The following AQR variants were observed in gnomAD, a reference collection of about 807,000 sequenced individuals.
The protein encoded by AQR is RNA helicase aquarius.
A neutral mutation model predicts 180.5 loss-of-function variants in AQR; 61 were observed. The observed-to-expected ratio is 0.34, with a 90% CI of 0.28 to 0.42. The LOEUF is 0.42. AQR is among the 10% of genes least tolerant of loss of function. AQR has a pLI of 1.00. For synonymous variants in AQR, 551 were observed against 588.8 expected, an observed-to-expected ratio of 0.94 and a Z score of 0.93; for missense variants, 1,281 against 1,798.3, an observed-to-expected ratio of 0.71 and a Z score of 5.20.
intron 15 of AQR, among the ~76,000 whole-genome samples, chr15:34,915,919 C>T (rs1269978185): frequency 6.6e-6 from 1 of 151,368 alleles, no homozygotes; most frequent in Non-Finnish European, 1.5e-5. Flanking sequence ...GCACTCCAGC[C>T]TGGGCAACAA....
Position 34,855,516 on chromosome 15 carries a change from C to T in AQR, c.*1276G>A, listed in dbSNP as rs1892575840. The T allele has an allele frequency of 7.0e-6, 1 of 142,196 alleles. No individual in the cohort carries two copies. Among genetic ancestry groups the T allele is most frequent in the South Asian group, 2.4e-4 (1 of 4,244 alleles). The allele number at this position is 142,196 out of a possible 1,614,324, so 8.8% of individuals were successfully genotyped here. A position where few individuals can be genotyped will look rare whatever the true frequency, so the allele number is the denominator to read the frequency against. On this transcript the variant is annotated 3_prime_UTR_variant, in exon 35 of 35. Coordinates refer to ENST00000156471, the MANE Select transcript of AQR (RefSeq NM_014691.3). ...TGGGCAATTTTCCCCTCTACACATACATATAAACATTTCCTTTTTTTTTTT... is the reference window on the plus strand; with the variant it reads ...TGGGCAATTTTCCCCTCTACACATATATATAAACATTTCCTTTTTTTTTTT...
rs2140489556 is a variant in AQR, at chr15:34,926,461, A to G, written c.1118+574T>C. Among the ~76,000 whole-genome samples, 4 of 152,310 alleles carry G rather than the reference A, an allele frequency of 2.6e-5. 1 individual carries two copies. The South Asian group carries it at 8.3e-4, about 32-fold the overall frequency. On this transcript the variant is annotated intron_variant, in intron 13 of 34. Transcript: ENST00000156471. ...TATCTCTGCCACTTACTTGCTGTGTAACCTAGGCAAATTACTTAACTATTC... is the reference window on the plus strand; with the variant it reads ...TATCTCTGCCACTTACTTGCTGTGTGACCTAGGCAAATTACTTAACTATTC...
intron 29 of AQR, 92 bp from the exon 30 acceptor site, chr15:34,874,091 C>T: frequency 5.5e-6 from 7 of 1,268,406 alleles, no homozygotes; most frequent in Non-Finnish European, 7.2e-6. Flanking sequence ...TTCTGTGCTT[C>T]TTTTAAATTT....
chr15:34,959,753 G>A (rs57578298), intron 3 of AQR, among the ~76,000 whole-genome samples: 8 of 152,184 alleles, frequency 5.3e-5, no homozygotes, highest in South Asian at 2.1e-4. Flanking sequence ...GGACAATTCC[G>A]CTCCCAACTT....
At chr15:34,867,796 A>G (rs559170003) in intron 31 of AQR, 187 bp from the exon 32 acceptor site, 31 of 497,454 alleles carry the variant, frequency 6.2e-5, no homozygotes, top group Middle Eastern at 5.4e-4. Flanking sequence ...ATCAGATCAA[A>G]CTACATCCTT....
At chr15:34,968,915 T>C (rs976055048) in intron 1 of AQR, among the ~76,000 whole-genome samples, 4 of 152,208 alleles carry the variant, frequency 2.6e-5, no homozygotes, top group Non-Finnish European at 4.4e-5. Flanking sequence ...TACACTCTTA[T>C]GCAATTCACA....
At chr15:34,883,463 T>A (rs1197079692) in intron 26 of AQR, among the ~76,000 whole-genome samples, 2 of 152,342 alleles carry the variant, frequency 1.3e-5, no homozygotes, top group Non-Finnish European at 2.9e-5. Flanking sequence ...GAATTGAGTA[T>A]GTTTTTATCC....
chr15:34,870,704 T>A, intron 31 of AQR, 48 bp downstream of exon 31: 1 of 1,535,554 alleles, frequency 6.5e-7, no homozygotes, highest in Non-Finnish European at 8.8e-7. Context: ...AACCTTTCCA[T>A]CTTGCCAAAA....
At chr15:34,895,710 A>C (rs1893233613) in intron 22 of AQR, among the ~76,000 whole-genome samples, 1 of 152,202 alleles carries the variant, frequency 6.6e-6, no homozygotes, top group Admixed American at 6.5e-5. Flanking sequence ...CATTAAGCAA[A>C]AATTGACAGA....
At chr15:34,965,867 C>T (rs1322981796) in intron 1 of AQR, among the ~76,000 whole-genome samples, 1 of 152,156 alleles carries the variant, frequency 6.6e-6, no homozygotes, top group Admixed American at 6.6e-5. Context: ...ATGATGGACT[C>T]AGGAAATTAC....
rs1198733596 is a variant in AQR, at chr15:34,906,568, T to G, written c.1808A>C (p.Asp603Ala). ...RGCEIQGMLD[D>A]KGRVIEDGPE... ...ACCATCTTCAATGACACGTCCTTTA[T>G]CATCCAGCATGCCCTGAATTTCACA... Residue 603 changes from aspartate (D) to alanine (A), a missense_variant, in exon 18 of 35, where the codon GAT becomes GCT. Physicochemically the swap from Asp to Ala is moderately radical, Grantham distance 126. Around this residue, in one of 9 missense-constraint regions of AQR, gnomAD observed 200 missense variants for 293.4 expected, o/e 0.68. Transcript: ENST00000156471. 3 of 1,614,102 alleles carry G rather than the reference T, an allele frequency of 1.9e-6. No homozygotes were observed. In the Admixed American group the frequency reaches 5.0e-5, roughly 27 times the overall value.
Position 34,964,027 on chromosome 15 carries a change from T to A in AQR, c.132+207A>T, listed in dbSNP as rs573156170. On this transcript the variant is annotated intron_variant, in intron 2 of 34. Transcript: ENST00000156471. Reference sequence around the variant, plus strand: ...AATGGTAAGAGAGGTTATCTCTGTGTAGTGATTATTTTCTTATGTGTAGTT... The same window carrying A: ...AATGGTAAGAGAGGTTATCTCTGTGAAGTGATTATTTTCTTATGTGTAGTT... 2.2e-4 allele frequency among the ~76,000 whole-genome samples: 33 copies of A among 152,340 alleles called. 1 individual carries two copies. The South Asian group carries it at 5.4e-3, about 25-fold the overall frequency.
chr15:34,967,302 C>A (rs1436968537), intron 1 of AQR, among the ~76,000 whole-genome samples: 3 of 152,306 alleles, frequency 2.0e-5, no homozygotes, highest in Middle Eastern at 3.4e-3. Context: ...TCAAATGTCA[C>A]CTCGGAGAGA....
intron 3 of AQR, among the ~76,000 whole-genome samples, chr15:34,959,095 T>TCC (rs1335526563): frequency 2.6e-5 from 4 of 152,172 alleles, no homozygotes; most frequent in Admixed American, 1.3e-4. Flanking sequence ...GGATCGTATC[T>TCC]CCCCTCTTTT....
chr15:34,917,903 G>C (rs936252248), intron 15 of AQR, among the ~76,000 whole-genome samples: 1 of 151,338 alleles, frequency 6.6e-6, no homozygotes, highest in South Asian at 2.1e-4. Flanking sequence ...AGGATCACTT[G>C]AGCCCAGAGA....
At position 34,934,593 on chromosome 15, in the gene AQR, A is replaced by G; in HGVS notation, c.761T>C (p.Ile254Thr). Residue 254 changes from isoleucine to threonine, a missense_variant, in exon 10 of 35, where the codon ATT becomes ACT. Ile to Thr is a moderately conservative substitution (Grantham distance 89). Transcript: ENST00000156471. ...TACCTCTAGATCAATCATAAGTTCA[A>G]TGAATCTTTCACAGTAATGAACTTT... The part of the protein sequence containing the change: ...MDKVHYCERF[I>T]ELMIDLEALL... 1.3e-6 allele frequency: 2 copies of G among 1,593,504 alleles called. No individual in the cohort carries two copies. The highest frequency in any genetic ancestry group is 1.7e-6 in the Non-Finnish European group (2 of 1,173,344).
intron 32 of AQR, among the ~76,000 whole-genome samples, chr15:34,866,561 TAAG>T (rs1282982264): frequency 2.6e-5 from 4 of 151,868 alleles, no homozygotes; most frequent in African/African-American, 9.7e-5. Context: ...ACCACAGAGT[TAAG>T]AAAAAAGGTA....
At chr15:34,859,966 C>CT in intron 34 of AQR, 76 bp downstream of exon 34, 1 of 662,308 alleles carries the variant, frequency 1.5e-6, no homozygotes, top group Non-Finnish European at 2.3e-6. Context: ...GAATTAGGTA[C>CT]TTTAAAGATT....
intron 15 of AQR, among the ~76,000 whole-genome samples, chr15:34,916,847 C>A (rs1893597854): frequency 7.3e-6 from 1 of 137,290 alleles, no homozygotes; most frequent in African/African-American, 2.7e-5. Flanking sequence ...ACTACGGGAA[C>A]TCTATGATCA....
Sources: allele counts gnomAD v4.1 joint callset (sites outside exome capture counted in the v4.1 genomes callset), GRCh38; gene constraint gnomAD v4.1.1; regional missense constraint gnomAD v4.1.1; transcripts MANE v1.5; gene names NCBI Gene and HGNC (gene_info 2026-07-23, HGNC 2026-07-21).